Variants in DPEP1 observed in about 807,000 individuals in gnomAD.
DPEP1 encodes the protein dipeptidase 1.
Under a neutral mutation model 42.3 loss-of-function variants are expected in DPEP1, and 50 were observed. The observed-to-expected ratio is 1.18, with a 90% confidence interval of 0.94 to 1.50. The LOEUF (loss-of-function observed/expected upper bound fraction) is 1.50. Ranked by LOEUF, DPEP1 falls within the 40% of genes most tolerant of loss-of-function variation. The probability of loss-of-function intolerance (pLI) is 0.00; values close to 1 mark genes in which losing one functional copy is unlikely to be tolerated. For missense variants in DPEP1, 663 were observed against 553.0 expected, an observed-to-expected ratio of 1.20 and a Z score of -1.99; for synonymous variants, 297 against 234.0, an observed-to-expected ratio of 1.27 and a Z score of -2.46.
At chr16:89,636,798 G>A (rs1297955208) in intron 5 of DPEP1, 68 bp from the exon 6 acceptor site, 25 of 1,604,166 alleles carry the variant, frequency 1.6e-5, no homozygotes, top group African/African-American at 4.0e-5. Flanking sequence ...GCCGGGCCTC[G>A]CCTGCTGGGC....
intron 1 of DPEP1, chr16:89,620,754 C>T (rs1177629604): frequency 1.3e-5 from 2 of 152,034 alleles, no homozygotes; most frequent in Non-Finnish European, 2.9e-5. Context: ...AGCCGAGGTA[C>T]TCGGGACCCT....
chr16:89,636,707 C>A (rs373055719), intron 5 of DPEP1, 24 bp downstream of exon 5: 1 of 1,610,854 alleles, frequency 6.2e-7, no homozygotes, highest in Non-Finnish European at 8.5e-7. Context: ...CATGGGAGGC[C>A]CCCGGGCTGT....
At chr16:89,625,252 C>A (rs566507049) in intron 1 of DPEP1, among the ~76,000 whole-genome samples, 1 of 151,980 alleles carries the variant, frequency 6.6e-6, no homozygotes, top group African/African-American at 2.4e-5. Flanking sequence ...TGATTCAGCA[C>A]GAATTGGCCT....
chr16:89,638,710 C>G (rs865866058), downstream of DPEP1, among the ~76,000 whole-genome samples: 1 of 114,360 alleles, frequency 8.7e-6, no homozygotes, highest in Non-Finnish European at 2.0e-5. Flanking sequence ...ACACACACAC[C>G]GCACCCCTGC....
chr16:89,629,497 C>T (rs1264416226), intron 1 of DPEP1, among the ~76,000 whole-genome samples: 2 of 129,972 alleles, frequency 1.5e-5, no homozygotes, highest in South Asian at 2.7e-4. Context: ...CCTTCCCTGC[C>T]GGGCTCCCCC....
chr16:89,635,344 C>T (rs530096422), intron 2 of DPEP1, among the ~76,000 whole-genome samples: 4 of 152,284 alleles, frequency 2.6e-5, no homozygotes, highest in South Asian at 2.1e-4. Context: ...GGGTGCAGGG[C>T]TCTTCCCTGG....
chr16:89,637,927 G>A lies in DPEP1; in HGVS notation c.1021G>A (p.Ala341Thr), dbSNP rs774185141. The change falls in exon 10 of 11, where the codon GCA (alanine) becomes ACA (threonine). Residue 341 changes from alanine to threonine, a missense_variant. Coordinates refer to ENST00000690203, the MANE Select transcript of DPEP1 (RefSeq NM_001389466.1). Reference protein sequence around the residue: ...RNWTEAEVKGALADNLLRVFE... With the variant: ...RNWTEAEVKGTLADNLLRVFE... ...CTGGACGGAGGCGGAGGTCAAGGGC[G>A]CACTGGCTGACAACCTGCTGAGGGT... 47 of 1,610,774 alleles carry A rather than the reference G, an allele frequency of 2.9e-5. No individual in the cohort carries two copies. Among genetic ancestry groups the A allele is most frequent in the East Asian group, 8.9e-5 (4 of 44,800 alleles).
rs560372935 is a variant in DPEP1 at position 89,617,869 on chromosome 16, C to G, written c.-107+4150C>G. Among the ~76,000 whole-genome samples the G allele has an allele frequency of 3.8e-4, 58 of 151,616 alleles. No individual in the cohort carries two copies. The Middle Eastern group carries it at 0.031, about 80-fold the overall frequency. On this transcript the variant is annotated intron_variant, in intron 1 of 10. Coordinates refer to ENST00000690203, the MANE Select transcript of DPEP1 (RefSeq NM_001389466.1). ...TGAAACCCCATCTCTACTAAAAATA[C>G]AAAAATTAGCTGTGTGTGGTGGCAT...
At chr16:89,635,248 G>A (rs560501607) in intron 2 of DPEP1, among the ~76,000 whole-genome samples, 2 of 144,432 alleles carry the variant, frequency 1.4e-5, no homozygotes, top group Non-Finnish European at 3.0e-5. Context: ...CCTCACGAGA[G>A]CTCCTACCCT....
rs769596585 is a variant in DPEP1 at position 89,626,299 on chromosome 16, C to T, written c.-106-4006C>T. Among the ~76,000 whole-genome samples, 47 of 152,262 alleles carry T rather than the reference C, an allele frequency of 3.1e-4. No homozygotes were observed. In the Middle Eastern group the frequency reaches 0.01, roughly 33 times the overall value. ...CGTGGGGCCATTCACCCCATGTTCT[C>T]GTGGTAGCGAGAAAGTTCTCACAAG... On this transcript the variant is annotated intron_variant, in intron 1 of 10. Coordinates refer to ENST00000690203, the MANE Select transcript of DPEP1 (RefSeq NM_001389466.1).
chr16:89,632,796 A>T (rs1286451386), intron 2 of DPEP1, among the ~76,000 whole-genome samples: 1 of 152,034 alleles, frequency 6.6e-6, no homozygotes, highest in African/African-American at 2.4e-5. Flanking sequence ...AGTGGCTCAC[A>T]GGTGTGGTCC....
chr16:89,614,008 G>A lies in DPEP1; in HGVS notation c.-107+289G>A, dbSNP rs144196308. 2.8e-3 allele frequency among the ~76,000 whole-genome samples: 402 copies of A among 144,876 alleles called. 115 individuals are homozygous for A. In the East Asian group the frequency reaches 0.19, roughly 67 times the overall value. ...GCACCAGGTGTGTGGGGCAGGGGAC[G>A]CGGCTGCTTCCTGGGATTCTAGGAA... On this transcript the variant is annotated intron_variant, in intron 1 of 10. Transcript: ENST00000690203.
chr16:89,628,042 C>T (rs1745539447), intron 1 of DPEP1, among the ~76,000 whole-genome samples: 3 of 151,938 alleles, frequency 2.0e-5, no homozygotes, highest in Admixed American at 2.0e-4. Flanking sequence ...CCTGCCTCAG[C>T]CTCCCAAGTA....
intron 2 of DPEP1, among the ~76,000 whole-genome samples, chr16:89,634,236 C>A (rs1356976608): frequency 1.3e-5 from 2 of 151,810 alleles, no homozygotes; most frequent in Non-Finnish European, 2.9e-5. Context: ...CTACAGGCAC[C>A]CGCCACCACT....
chr16:89,637,898 G>C lies in DPEP1; in HGVS notation c.992G>C (p.Arg331Thr). 6.2e-7 allele frequency: 1 copy of C among 1,612,610 alleles called. No homozygotes were observed. The highest frequency in any genetic ancestry group is 8.5e-7 in the Non-Finnish European group (1 of 1,179,808). ...GACCTGATCGCTGAGCTGCTCAGGA[G>C]GAACTGGACGGAGGCGGAGGTCAAG... is the stretch of plus-strand genomic sequence containing the variant. ...YPDLIAELLR[R>T]NWTEAEVKGA... The change falls in exon 10 of 11, where the codon AGG (arginine) becomes ACG (threonine). Residue 331 changes from arginine to threonine, a missense_variant. Arg to Thr is a moderately conservative substitution (Grantham distance 71, BLOSUM62 -1). Coordinates refer to ENST00000690203, the MANE Select transcript of DPEP1 (RefSeq NM_001389466.1).
intron 1 of DPEP1, among the ~76,000 whole-genome samples, chr16:89,620,336 C>T (rs578145165): frequency 3.9e-5 from 6 of 152,190 alleles, no homozygotes; most frequent in African/African-American, 1.4e-4. Context: ...TCTCTGGGCT[C>T]GTTGGGCTGG....
chr16:89,616,884 G>A (rs1182921889), intron 1 of DPEP1: 9 of 239,090 alleles, frequency 3.8e-5, no homozygotes, highest in Admixed American at 3.4e-4. Flanking sequence ...GGAAGCGGCC[G>A]GGAAGCAGGC....
At chr16:89,633,712 G>A (rs2059619498) in intron 2 of DPEP1, among the ~76,000 whole-genome samples, 1 of 152,222 alleles carries the variant, frequency 6.6e-6, no homozygotes, top group Non-Finnish European at 1.5e-5. Context: ...GTTACAGATG[G>A]GGAAACTGAG....
chr16:89,614,776 C>A (rs2059366180), intron 1 of DPEP1, among the ~76,000 whole-genome samples: 1 of 152,162 alleles, frequency 6.6e-6, no homozygotes, highest in Non-Finnish European at 1.5e-5. Context: ...GCCTGAGTGA[C>A]AGAGCGAGAC....
Sources: gnomAD v4.1 joint callset for allele counts (sites outside exome capture counted in the v4.1 genomes callset) on GRCh38, gnomAD v4.1.1 for gene constraint, MANE v1.5 for transcripts, NCBI Gene and HGNC (gene_info 2026-07-23, HGNC 2026-07-21) for gene names.